Variants in WAC observed in about 807,000 individuals in gnomAD.
WAC encodes the protein WW domain-containing adapter protein with coiled-coil.
WAC carries 11 observed loss-of-function variants against 79.6 expected under a neutral mutation model. That is an observed-to-expected ratio of 0.14 (90% CI 0.09 to 0.23). The LOEUF is 0.23. Among genes scored for constraint, WAC ranks in the 10% least tolerant of loss-of-function variants. The pLI, the probability that WAC is intolerant of heterozygous loss-of-function variation, is 1.00. For missense variants in WAC, 728 were observed against 773.5 expected (o/e 0.94, Z 0.70); for synonymous variants, 304 against 276.9 (o/e 1.10, Z -0.97).
intron 4 of WAC, among the ~76,000 whole-genome samples, chr10:28,585,016 C>T (rs1350982556): frequency 2.0e-5 from 3 of 151,958 alleles, no homozygotes; most frequent in African/African-American, 7.3e-5. Context: ...TGCAGTGAGC[C>T]AAGATCACCC....
intron 3 of WAC, among the ~76,000 whole-genome samples, chr10:28,557,969 G>A (rs372192823): frequency 3.3e-5 from 5 of 152,108 alleles, no homozygotes; most frequent in African/African-American, 1.2e-4. Flanking sequence ...AGCTACTTGG[G>A]AGGCTGAGGC....
At chr10:28,560,186 A>G (rs1838224562) in intron 3 of WAC, among the ~76,000 whole-genome samples, 1 of 152,078 alleles carries the variant, frequency 6.6e-6, no homozygotes. Flanking sequence ...TGCAAAAAAT[A>G]AAATAAAAAA....
At chr10:28,543,548 C>T (rs1014327393) in intron 3 of WAC, among the ~76,000 whole-genome samples, 7 of 152,168 alleles carry the variant, frequency 4.6e-5, no homozygotes, top group Admixed American at 1.3e-4. Context: ...GGAATGTGAT[C>T]GCCCTGTTGG....
intron 3 of WAC, among the ~76,000 whole-genome samples, chr10:28,582,317 A>G (rs1007642072): frequency 6.6e-6 from 1 of 152,218 alleles, no homozygotes; most frequent in Non-Finnish European, 1.5e-5. Flanking sequence ...TTTCTTCTGA[A>G]TTCCTAGTTC....
At chr10:28,580,502 C>T (rs997230515) in intron 3 of WAC, among the ~76,000 whole-genome samples, 1 of 152,154 alleles carries the variant, frequency 6.6e-6, no homozygotes, top group African/African-American at 2.4e-5. Context: ...ATAGAACATA[C>T]TGTTCAAGAA....
chr10:28,614,463 A>G, intron 10 of WAC, 104 bp from the exon 11 acceptor site: 1 of 156,220 alleles, frequency 6.4e-6, no homozygotes, highest in East Asian at 2.2e-4. Context: ...AAGTTTCAGA[A>G]CTTGACTGCC....
At chr10:28,551,458 C>A (rs935136587) in intron 3 of WAC, among the ~76,000 whole-genome samples, 1 of 152,158 alleles carries the variant, frequency 6.6e-6, no homozygotes, top group East Asian at 1.9e-4. Context: ...CTATTATAAT[C>A]GAGCAGTGGC....
At chr10:28,572,813 GCAA>G (rs1019041719) in intron 3 of WAC, among the ~76,000 whole-genome samples, 10 of 152,280 alleles carry the variant, frequency 6.6e-5, no homozygotes, top group Admixed American at 2.0e-4. Context: ...CTCAGTCTCA[GCAA>G]CAACAACAAA....
At chr10:28,535,974 G>T in intron 3 of WAC, 1 of 365,752 alleles carries the variant, frequency 2.7e-6, no homozygotes, top group Admixed American at 4.7e-5. Context: ...CAGGCGCGGT[G>T]GCTCACGCCT....
At chr10:28,590,336 T>A (rs1024570120) in intron 5 of WAC, among the ~76,000 whole-genome samples, 6 of 132,038 alleles carry the variant, frequency 4.5e-5, no homozygotes, top group Non-Finnish European at 9.7e-5. Context: ...AAAAAAAAAA[T>A]CTAGGATAGA....
At chr10:28,542,775 C>T (rs1837129303) in intron 3 of WAC, among the ~76,000 whole-genome samples, 1 of 152,162 alleles carries the variant, frequency 6.6e-6, no homozygotes, top group Non-Finnish European at 1.5e-5. Flanking sequence ...GTGTTTCTCA[C>T]AGGTGAAAAT....
rs1383874104 is a variant in WAC at position 28,620,036 on chromosome 10, C to T, written c.*430C>T. 1 of 152,764 alleles carries T rather than the reference C, an allele frequency of 6.5e-6. No individual in the cohort carries two copies. The highest frequency in any genetic ancestry group is 1.9e-4 in the East Asian group (1 of 5,224). The allele number at this position is 152,764 out of a possible 1,614,324, so 9.5% of individuals were successfully genotyped here. Reference sequence around the variant, plus strand: ...TGCATTTTCAAAAATTCAGTGCAAGCGCCAGGCGATTTGTGTCTAAGGATA... The same window carrying T: ...TGCATTTTCAAAAATTCAGTGCAAGTGCCAGGCGATTTGTGTCTAAGGATA... On this transcript the variant is annotated 3_prime_UTR_variant, in exon 14 of 14. Transcript: ENST00000354911.
At position 28,611,920 on chromosome 10, in the gene WAC, A is replaced by G. The variant is rs1166754458; in HGVS notation, c.1435A>G (p.Lys479Glu). The change falls in exon 10 of 14, where the codon AAG becomes GAG. Residue 479 changes from lysine (K) to glutamate (E), a missense_variant and splice_region_variant. Physicochemically the swap from Lys to Glu is moderately conservative, Grantham distance 56 (BLOSUM62 1). This residue lies in a region of WAC where 648 missense variants were observed against 661.5 expected (regional missense o/e 0.98). Coordinates refer to ENST00000354911, the MANE Select transcript of WAC (RefSeq NM_016628.5). ...TACTCCTCCTGTTTCATCACAGCCA[A>G]AGGTATGTCACCTTTGAGGGACATT... is the stretch of plus-strand genomic sequence containing the variant. The part of the protein sequence containing the change: ...ISTPPVSSQP[K>E]VSTPVVKQGP... The G allele has an allele frequency of 6.2e-7, 1 of 1,611,462 alleles. No individual in the cohort carries two copies. The highest frequency in any genetic ancestry group is 8.5e-7 in the Non-Finnish European group (1 of 1,179,422).
chr10:28,561,152 A>G lies in WAC; in HGVS notation c.275-22247A>G, dbSNP rs949708760. ...GAGGGCATTGACATTGCTGGAGAGC[A>G]GTTATCAGTGGACTTGGGAATATTT... On this transcript the variant is annotated intron_variant, in intron 3 of 13. Transcript: ENST00000354911. Among the ~76,000 whole-genome samples the G allele has an allele frequency of 5.3e-5, 8 of 152,358 alleles. No individual in the cohort carries two copies. The East Asian group carries it at 1.3e-3, about 26-fold the overall frequency.
At chr10:28,603,987 A>G (rs1415565342) in intron 7 of WAC, among the ~76,000 whole-genome samples, 18 of 33,854 alleles carry the variant, frequency 5.3e-4, no homozygotes, top group Non-Finnish European at 8.1e-4. Context: ...ATATATATAT[A>G]TGTATATATA....
chr10:28,535,334 G>GT (rs1554776310), intron 2 of WAC: 145 of 349,174 alleles, frequency 4.2e-4, no homozygotes, highest in Middle Eastern at 1.7e-3. Flanking sequence ...TAATGGAGTG[G>GT]GTTTTTTTTG....
intron 6 of WAC, among the ~76,000 whole-genome samples, chr10:28,592,481 T>C (rs1248224973): frequency 6.6e-6 from 1 of 151,882 alleles, no homozygotes; most frequent in Non-Finnish European, 1.5e-5. Context: ...GTTATCTAGG[T>C]GTGGTGGTGA....
rs1338432011 is a variant in WAC, at chr10:28,533,640, C to G, written c.41+20C>G. 12 of 1,546,570 alleles carry G rather than the reference C, an allele frequency of 7.8e-6. No homozygotes were observed. The highest frequency in any genetic ancestry group is 6.9e-5 in the Admixed American group (4 of 57,898). ...TGATGGGTAAATTGTCTTTTCGTTT[C>G]GGGCCGGGCGGCGGCGGGGGGCGGC... On this transcript the variant is annotated intron_variant, in intron 1 of 13. Coordinates refer to ENST00000354911, the MANE Select transcript of WAC (RefSeq NM_016628.5).
In WAC at chr10:28,619,598, A is replaced by G. The variant is rs918833929; in HGVS notation, c.1936A>G (p.Met646Val). The G allele has an allele frequency of 3.2e-6, 5 of 1,579,010 alleles. No homozygotes were observed. The highest frequency in any genetic ancestry group is 4.3e-6 in the Non-Finnish European group (5 of 1,171,160). ...AAAGCTAAAAAATCAGAATTCCTTCATGGTGTGAAGATGTGAATAATTGCA... is the reference window on the plus strand; with the variant it reads ...AAAGCTAAAAAATCAGAATTCCTTCGTGGTGTGAAGATGTGAATAATTGCA... Reference protein sequence around the residue: ...LEKLKNQNSFMV With the variant: ...LEKLKNQNSFVV The change falls in exon 14 of 14, where the codon ATG (methionine) becomes GTG (valine). Residue 646 changes from methionine (M) to valine (V), a missense_variant. Physicochemically the swap from Met to Val is conservative, Grantham distance 21. Transcript: ENST00000354911.
Sources: allele counts gnomAD v4.1 joint callset (sites outside exome capture counted in the v4.1 genomes callset), GRCh38; gene constraint gnomAD v4.1.1; regional missense constraint gnomAD v4.1.1; transcripts MANE v1.5; gene names NCBI Gene and HGNC (gene_info 2026-07-23, HGNC 2026-07-21).